Variants in MECOM observed in about 807,000 individuals in gnomAD.
The protein encoded by MECOM is histone-lysine N-methyltransferase MECOM.
MECOM carries 13 observed loss-of-function variants against 116.3 expected under a neutral mutation model. The ratio of observed to expected loss-of-function variants is 0.11; its 90% CI spans 0.07 to 0.18. The LOEUF (loss-of-function observed/expected upper bound fraction) is 0.18, where lower values mean the gene tolerates loss of function less well. Ranked by LOEUF, MECOM falls within the 10% of genes least tolerant of loss-of-function variation. The pLI is 1.00. For missense variants in MECOM, 1,299 were observed against 1,509.0 expected (o/e 0.86, Z 2.31); for synonymous variants, 528 against 535.2 (o/e 0.99, Z 0.19).
At chr3:169,172,410 TG>T (rs2149374764) in intron 2 of MECOM, among the ~76,000 whole-genome samples, 1 of 50,872 alleles carries the variant, frequency 2.0e-5, no homozygotes, top group East Asian at 4.0e-4. Flanking sequence ...CCCTTGTATG[TG>T]TGTGTGTGTG....
chr3:169,421,189 T>C (rs1371957537), intron 1 of MECOM, among the ~76,000 whole-genome samples: 3 of 152,162 alleles, frequency 2.0e-5, no homozygotes, highest in African/African-American at 7.2e-5. Context: ...TCTAGTTCTT[T>C]GAAGGCTAAA....
At chr3:169,282,838 T>C (rs1283461327) in intron 2 of MECOM, among the ~76,000 whole-genome samples, 1 of 151,864 alleles carries the variant, frequency 6.6e-6, no homozygotes, top group Non-Finnish European at 1.5e-5. Flanking sequence ...AATATGTATA[T>C]TGATAAATCC....
chr3:169,220,725 TG>T (rs1752033507), intron 2 of MECOM, among the ~76,000 whole-genome samples: 1 of 152,202 alleles, frequency 6.6e-6, no homozygotes, highest in Non-Finnish European at 1.5e-5. Flanking sequence ...TCCACCCACC[TG>T]GGTCTTCCAA....
intron 1 of MECOM, among the ~76,000 whole-genome samples, chr3:169,465,254 G>T (rs955885057): frequency 2.0e-5 from 3 of 152,172 alleles, no homozygotes; most frequent in Admixed American, 6.6e-5. Flanking sequence ...CTAATTAGCC[G>T]TGTGCCCTTG....
intron 5 of MECOM, among the ~76,000 whole-genome samples, chr3:169,123,350 A>C (rs1190518616): frequency 6.6e-6 from 1 of 151,600 alleles, no homozygotes; most frequent in African/African-American, 2.4e-5. Flanking sequence ...ATTACATAAT[A>C]TATAAAACCT....
intron 2 of MECOM, among the ~76,000 whole-genome samples, chr3:169,258,696 C>T (rs1757171942): frequency 6.6e-6 from 1 of 152,116 alleles, no homozygotes; most frequent in African/African-American, 2.4e-5. Flanking sequence ...TACACTCATC[C>T]CAAATTTCTG....
intron 1 of MECOM, among the ~76,000 whole-genome samples, chr3:169,454,437 C>T (rs1239220498): frequency 6.8e-6 from 1 of 146,638 alleles, no homozygotes; most frequent in Non-Finnish European, 1.5e-5. Flanking sequence ...TTTACAAATG[C>T]CGTAAGTATT....
In MECOM at chr3:169,462,354, C is replaced by G. The variant is rs116435607; in HGVS notation, c.38-80830G>C. On this transcript the variant is annotated intron_variant, in intron 1 of 16. Coordinates refer to ENST00000651503, the MANE Select transcript of MECOM (RefSeq NM_004991.4). ...GCTGAATGATGGGCTTAATGTCAGA[C>G]AGCCAGATGTTTTTACTTAGGGCTC... 9.6e-3 allele frequency among the ~76,000 whole-genome samples: 1,463 copies of G among 152,268 alleles called. 7 individuals are homozygous for G. The highest frequency in any genetic ancestry group is 0.041 in the Middle Eastern group (12 of 294).
chr3:169,113,674 T>C (rs1394238908), intron 8 of MECOM, among the ~76,000 whole-genome samples: 1 of 152,092 alleles, frequency 6.6e-6, no homozygotes, highest in Non-Finnish European at 1.5e-5. Flanking sequence ...AATTAATTCA[T>C]TGAATTAATT....
chr3:169,147,783 G>T, intron 2 of MECOM: 1 of 958,748 alleles, frequency 1.0e-6, no homozygotes, highest in Non-Finnish European at 1.2e-6. Context: ...AGAGAGATGG[G>T]GGATGGGAGG....
chr3:169,115,892 A>C lies in MECOM; in HGVS notation c.1980T>G (p.Asp660Glu). 1 of 1,614,122 alleles carries C rather than the reference A, an allele frequency of 6.2e-7. No homozygotes were observed. Among genetic ancestry groups the C allele is most frequent in the Non-Finnish European group, 8.5e-7 (1 of 1,180,038 alleles). ...CAATAGAAGCAATAGCCTTTATAGA[A>C]TCATTCACAGCTCCTGACACCGCAG... ...EQTAVSGAVN[D>E]SIKAIASIAE... Residue 660 changes from aspartate (D) to glutamate (E), a missense_variant, in exon 8 of 17, where the codon GAT (aspartate) becomes GAG (glutamate). Asp to Glu is a conservative substitution (Grantham distance 45). Transcript: ENST00000651503.
At chr3:169,240,465 C>T (rs1042989794) in intron 2 of MECOM, among the ~76,000 whole-genome samples, 1 of 152,166 alleles carries the variant, frequency 6.6e-6, no homozygotes, top group African/African-American at 2.4e-5. Flanking sequence ...TAGGACATCA[C>T]TAAAAGGGAC....
At chr3:169,386,202 C>A (rs1214475674) in intron 1 of MECOM, among the ~76,000 whole-genome samples, 1 of 152,162 alleles carries the variant, frequency 6.6e-6, no homozygotes, top group Non-Finnish European at 1.5e-5. Flanking sequence ...GGAAACATAT[C>A]AGAACCTTCA....
At chr3:169,506,372 G>A (rs1027996961) in intron 1 of MECOM, among the ~76,000 whole-genome samples, 2 of 152,102 alleles carry the variant, frequency 1.3e-5, no homozygotes, top group African/African-American at 2.4e-5. Flanking sequence ...GACTAATCAC[G>A]GGCTGGGGTT....
chr3:169,334,481 G>T (rs1054795206), intron 2 of MECOM, among the ~76,000 whole-genome samples: 2 of 152,122 alleles, frequency 1.3e-5, no homozygotes, highest in African/African-American at 4.8e-5. Context: ...GATTGTTCAG[G>T]ATGGGCCTTG....
intron 1 of MECOM, among the ~76,000 whole-genome samples, chr3:169,498,197 AAATT>A (rs66477615): frequency 0.049 from 7,488 of 152,266 alleles, 410 homozygotes; most frequent in East Asian, 0.31. Flanking sequence ...ATTATATCTT[AAATT>A]AATAAAGAAG....
intron 2 of MECOM, among the ~76,000 whole-genome samples, chr3:169,299,193 TAGAGCCCA>T (rs1340203944): frequency 1.3e-5 from 2 of 152,078 alleles, no homozygotes; most frequent in Non-Finnish European, 2.9e-5. Flanking sequence ...ACTCAAGGAT[TAGAGCCCA>T]AGACACCACA....
chr3:169,285,069 T>C (rs570224186), intron 2 of MECOM, among the ~76,000 whole-genome samples: 6 of 152,302 alleles, frequency 3.9e-5, no homozygotes, highest in South Asian at 4.1e-4. Context: ...CAGATGTGTG[T>C]AAAGTTATAA....
chr3:169,538,322 T>G (rs184999117), intron 1 of MECOM, among the ~76,000 whole-genome samples: 1 of 152,186 alleles, frequency 6.6e-6, no homozygotes, highest in Non-Finnish European at 1.5e-5. Context: ...CAAGGTATAC[T>G]TTTTTTGTGA....
Sources: allele counts gnomAD v4.1 joint callset (sites outside exome capture counted in the v4.1 genomes callset), GRCh38; gene constraint gnomAD v4.1.1; transcripts MANE v1.5; gene names NCBI Gene and HGNC (gene_info 2026-07-23, HGNC 2026-07-21).